Variants in COL21A1 observed in about 807,000 individuals in gnomAD.
COL21A1 encodes collagen type XXI alpha 1 chain.
COL21A1 carries 149 observed loss-of-function variants against 137.9 expected under a neutral mutation model. That is an observed-to-expected ratio of 1.08 (90% confidence interval 0.95 to 1.24). COL21A1 has a LOEUF of 1.24. Ranked by LOEUF, COL21A1 falls within the 50% of genes most tolerant of loss-of-function variation. The probability of loss-of-function intolerance (pLI) is 0.00; values close to 1 mark genes in which losing one functional copy is unlikely to be tolerated. For synonymous variants in COL21A1, 456 were observed against 391.5 expected, an observed-to-expected ratio of 1.16 and a Z score of -1.95; for missense variants, 1,167 against 1,158.4, an observed-to-expected ratio of 1.01 and a Z score of -0.11.
chr6:56,204,212 C>A (rs1227287782), intron 1 of COL21A1, among the ~76,000 whole-genome samples: 1 of 152,110 alleles, frequency 6.6e-6, no homozygotes, highest in Non-Finnish European at 1.5e-5. Flanking sequence ...CCCCATGGAG[C>A]CCAGCAAGCT....
chr6:56,270,965 T>A (rs1763511097), intron 1 of COL21A1, among the ~76,000 whole-genome samples: 1 of 152,196 alleles, frequency 6.6e-6, no homozygotes, highest in Non-Finnish European at 1.5e-5. Context: ...CACAGCAGTA[T>A]GAAAACAGAC....
At position 56,185,749 on chromosome 6, in the gene COL21A1, GA is replaced by G. The variant is rs1384808493; in HGVS notation, c.-38-3094del. Among the ~76,000 whole-genome samples the G allele has an allele frequency of 9.9e-4, 151 of 152,148 alleles. 1 individual carries two copies. The highest frequency in any genetic ancestry group is 3.1e-4 in the Non-Finnish European group (21 of 67,992). On this transcript the variant is annotated intron_variant, in intron 1 of 29. Transcript: ENST00000244728. ...CGCGCCCGGCCTGAACAAAGTCTTT[GA>G]AAAACACTATTTATTGAAATTGGTC...
chr6:56,237,205 C>G (rs1205570556), intron 1 of COL21A1, among the ~76,000 whole-genome samples: 2 of 152,052 alleles, frequency 1.3e-5, no homozygotes, highest in African/African-American at 4.8e-5. Context: ...GTAGTGCACT[C>G]TAAAGAACCA....
intron 1 of COL21A1, among the ~76,000 whole-genome samples, chr6:56,280,132 T>C (rs1417537935): frequency 6.6e-6 from 1 of 152,218 alleles, no homozygotes; most frequent in African/African-American, 2.4e-5. Context: ...ATTTTTTTCA[T>C]TGATTCAATG....
chr6:56,110,578 G>C (rs1285362783), intron 16 of COL21A1, among the ~76,000 whole-genome samples: 1 of 151,808 alleles, frequency 6.6e-6, no homozygotes, highest in African/African-American at 2.4e-5. Context: ...AATCATCTAT[G>C]TAGAAAAACC....
At position 56,068,847 on chromosome 6, in the gene COL21A1, A is replaced by G. The variant is rs1375493844; in HGVS notation, c.2091+199T>C. ...CTTTTCTAAGGTCTTCATCTAGGAG[A>G]CAATACCCATGTGGGTATATAAAAG... On this transcript the variant is annotated intron_variant, in intron 22 of 29. Transcript: ENST00000244728. 6.3e-6 allele frequency: 3 copies of G among 472,456 alleles called. No homozygotes were observed. The East Asian group carries it at 1.1e-4, about 18-fold the overall frequency. 29.3% of individuals were successfully genotyped at this position (472,456 alleles called of 1,614,324 possible). A position where few individuals can be genotyped will look rare whatever the true frequency, so the allele number is the denominator to read the frequency against.
chr6:56,126,532 G>A (rs12207665), intron 12 of COL21A1: 25,673 of 173,666 alleles, frequency 0.15, 1,972 homozygotes, highest in Middle Eastern at 0.2. Context: ...GTAATGAAAG[G>A]CCCTAAGCAT....
intron 16 of COL21A1, among the ~76,000 whole-genome samples, chr6:56,106,795 T>G (rs1770944916): frequency 6.6e-6 from 1 of 151,224 alleles, no homozygotes; most frequent in Admixed American, 6.6e-5. Context: ...TTATACAAGT[T>G]TTTTTTTTTG....
At chr6:56,197,254 T>C (rs1779080180) in intron 1 of COL21A1, among the ~76,000 whole-genome samples, 1 of 151,904 alleles carries the variant, frequency 6.6e-6, no homozygotes, top group Admixed American at 6.6e-5. Context: ...ATCACAAAAC[T>C]CCTAGAAGAA....
chr6:56,312,112 C>G (rs1430560126), intron 1 of COL21A1, among the ~76,000 whole-genome samples: 4 of 152,158 alleles, frequency 2.6e-5, no homozygotes, highest in African/African-American at 4.8e-5. Flanking sequence ...AAGGCAGTGA[C>G]TAGAGTATAA....
chr6:56,170,981 A>C lies in COL21A1; in HGVS notation c.788T>G (p.Val263Gly). ...KIKGYEVTSKVDLSELTSNVF... is the reference protein window; with the variant it reads ...KIKGYEVTSKGDLSELTSNVF... ...ATACCTTGTGAGTTCTGATAAATCA[A>C]CTTTTGATGTTACTTCATATCCTTT... The change falls in exon 4 of 30, where the codon GTT (valine) becomes GGT (glycine). Residue 263 changes from valine (V) to glycine (G), a missense_variant. Physicochemically the swap from Val to Gly is moderately radical, Grantham distance 109. Coordinates refer to ENST00000244728, the MANE Select transcript of COL21A1 (RefSeq NM_030820.4). 1 of 1,603,264 alleles carries C rather than the reference A, an allele frequency of 6.2e-7. No homozygotes were observed. Among genetic ancestry groups the C allele is most frequent in the East Asian group, 2.2e-5 (1 of 44,756 alleles).
At chr6:56,273,694 C>T (rs1161584226) in intron 1 of COL21A1, among the ~76,000 whole-genome samples, 1 of 152,066 alleles carries the variant, frequency 6.6e-6, no homozygotes, top group Non-Finnish European at 1.5e-5. Context: ...TAAACTTGAA[C>T]AAACAAATAA....
At chr6:56,225,870 T>C (rs1487621232) in intron 1 of COL21A1, 14 of 152,030 alleles carry the variant, frequency 9.2e-5, no homozygotes, top group Non-Finnish European at 7.4e-5. Context: ...CATTCCTATG[T>C]GATGGTCTTC....
intron 17 of COL21A1, among the ~76,000 whole-genome samples, chr6:56,081,746 T>C (rs1226515464): frequency 6.6e-6 from 1 of 151,826 alleles, no homozygotes; most frequent in Non-Finnish European, 1.5e-5. Context: ...AATTAATCTT[T>C]AAGGAAAAAA....
chr6:56,292,911 C>T (rs1764085664), intron 1 of COL21A1, among the ~76,000 whole-genome samples: 1 of 152,140 alleles, frequency 6.6e-6, no homozygotes, highest in Admixed American at 6.5e-5. Context: ...ATTAAAACAT[C>T]ATTTAAAGTA....
Position 56,124,270 on chromosome 6 carries a change from T to C in COL21A1, c.1673A>G (p.Asn558Ser). 1 of 1,604,606 alleles carries C rather than the reference T, an allele frequency of 6.2e-7. No individual in the cohort carries two copies. The highest frequency in any genetic ancestry group is 1.1e-5 in the South Asian group (1 of 88,902). ...GKKGAKGEKG[N>S]AGFPGLPGPA... ...TCCAGGGAGGCCAGGGAAGCCAGCA[T>C]TCCCCTTTTCACCTTTTGCACCCTG... Residue 558 changes from asparagine to serine, a missense_variant, in exon 15 of 30, where the codon AAT (asparagine) becomes AGT (serine). Asn to Ser is a conservative substitution (Grantham distance 46). Transcript: ENST00000244728.
At chr6:56,298,094 G>A (rs558830367) in intron 1 of COL21A1, among the ~76,000 whole-genome samples, 9 of 140,990 alleles carry the variant, frequency 6.4e-5, no homozygotes, top group East Asian at 2.0e-4. Flanking sequence ...ATAGTAATAC[G>A]GATGCTAAAT....
intron 1 of COL21A1, among the ~76,000 whole-genome samples, chr6:56,352,457 G>A (rs762224339): frequency 3.3e-5 from 5 of 151,992 alleles, no homozygotes; most frequent in Non-Finnish European, 7.3e-5. Context: ...AATGGAGATC[G>A]GCTGGAACAG....
intron 24 of COL21A1, among the ~76,000 whole-genome samples, chr6:56,063,077 T>C (rs1333650636): frequency 6.6e-6 from 1 of 152,126 alleles, no homozygotes; most frequent in Admixed American, 6.6e-5. Flanking sequence ...ACAGCTGCTC[T>C]GGCCCTGGGT....
Sources: gnomAD v4.1 joint callset for allele counts (sites outside exome capture counted in the v4.1 genomes callset) on GRCh38, gnomAD v4.1.1 for gene constraint, MANE v1.5 for transcripts, NCBI Gene and HGNC (gene_info 2026-07-23, HGNC 2026-07-21) for gene names.